The following RBFOX1 variants were observed in gnomAD, a reference collection of about 807,000 sequenced individuals.
RBFOX1 encodes RNA binding fox-1 homolog 1.
Under a neutral mutation model 57.7 loss-of-function variants are expected in RBFOX1, and 8 were observed. The ratio of observed to expected loss-of-function variants is 0.14; its 90% CI spans 0.08 to 0.25. The LOEUF is 0.25. Ranked by LOEUF, RBFOX1 falls within the 10% of genes least tolerant of loss-of-function variation. RBFOX1 has a pLI of 1.00. For synonymous variants in RBFOX1, 326 were observed against 222.4 expected (o/e 1.47, Z -4.15); for missense variants, 611 against 548.5 (o/e 1.11, Z -1.14).
At chr16:6,469,250 A>G (rs2095119874) in intron 2 of RBFOX1, among the ~76,000 whole-genome samples, 2 of 152,200 alleles carry the variant, frequency 1.3e-5, no homozygotes, top group African/African-American at 4.8e-5. Context: ...AATGCTGCCA[A>G]ACCTAATAAG....
At chr16:6,326,612 G>T (rs2082399593) in intron 2 of RBFOX1, among the ~76,000 whole-genome samples, 1 of 152,092 alleles carries the variant, frequency 6.6e-6, no homozygotes, top group Non-Finnish European at 1.5e-5. Flanking sequence ...GCTTCACAGG[G>T]ACAGACTCTC....
chr16:6,625,528 C>G (rs978864925), intron 2 of RBFOX1, among the ~76,000 whole-genome samples: 1 of 152,152 alleles, frequency 6.6e-6, no homozygotes, highest in East Asian at 1.9e-4. Flanking sequence ...TTCGTTAAAA[C>G]TTTAAGAAAG....
chr16:6,621,347 C>G (rs1478028177), intron 2 of RBFOX1, among the ~76,000 whole-genome samples: 1 of 152,122 alleles, frequency 6.6e-6, no homozygotes, highest in Non-Finnish European at 1.5e-5. Flanking sequence ...GCCTGTAGTC[C>G]CAGCTACTCG....
At chr16:5,976,168 T>C (rs1399585000) in intron 4 of RBFOX1, among the ~76,000 whole-genome samples, 1 of 151,716 alleles carries the variant, frequency 6.6e-6, no homozygotes. Flanking sequence ...AAATAAATAA[T>C]AAAATAAAAT....
At chr16:6,373,117 G>A (rs1161704937) in intron 2 of RBFOX1, among the ~76,000 whole-genome samples, 1 of 152,190 alleles carries the variant, frequency 6.6e-6, no homozygotes, top group African/African-American at 2.4e-5. Context: ...TGGAGATTGG[G>A]TGGAAGTATA....
intron 1 of RBFOX1, among the ~76,000 whole-genome samples, chr16:6,099,035 T>C (rs933867536): frequency 1.3e-5 from 2 of 152,210 alleles, no homozygotes; most frequent in Admixed American, 1.3e-4. Flanking sequence ...TGGTTCTTTA[T>C]TAGGCAGAGA....
chr16:7,121,658 C>G (rs1438509362), intron 4 of RBFOX1, among the ~76,000 whole-genome samples: 2 of 151,822 alleles, frequency 1.3e-5, no homozygotes, highest in African/African-American at 4.8e-5. Context: ...CAATACAAAT[C>G]AAAATTCTAG....
intron 1 of RBFOX1, among the ~76,000 whole-genome samples, chr16:6,190,804 CA>C (rs1328190297): frequency 6.6e-6 from 1 of 152,048 alleles, no homozygotes; most frequent in Admixed American, 6.6e-5. Context: ...ATCTTGCTGG[CA>C]AAGAATTCTA....
intron 3 of RBFOX1, among the ~76,000 whole-genome samples, chr16:6,832,451 C>T (rs1355487410): frequency 6.6e-6 from 1 of 152,102 alleles, no homozygotes; most frequent in Non-Finnish European, 1.5e-5. Flanking sequence ...AAAATGGTGC[C>T]AAAACCCAGC....
At chr16:5,427,940 G>A (rs1212422563) in intron 1 of RBFOX1, among the ~76,000 whole-genome samples, 2 of 152,224 alleles carry the variant, frequency 1.3e-5, no homozygotes, top group African/African-American at 4.8e-5. Context: ...ATCACAGGTA[G>A]AGTCAGCACC....
At chr16:5,647,729 T>G (rs930817745) in intron 3 of RBFOX1, among the ~76,000 whole-genome samples, 4 of 152,220 alleles carry the variant, frequency 2.6e-5, no homozygotes, top group Admixed American at 2.6e-4. Context: ...GGTTCAAGGC[T>G]GCATTCTTCC....
chr16:6,578,612 T>TGTGTGTGTGTGTGTGTGTGTGTGTGG lies in RBFOX1; in HGVS notation c.-63-75990_-63-75989insTGTGTGTGTGTGTGTGTGTGTGTGGG, dbSNP rs373655762. On this transcript the variant is annotated intron_variant, in intron 2 of 15. Transcript: ENST00000550418. ...TGGTGTGTGTGCGTGTGTGTGTGTGTGAGCATGGGAGAAACAGAGGGACAT... is the reference window on the plus strand; with the variant it reads ...TGGTGTGTGTGCGTGTGTGTGTGTGTGTGTGTGTGTGTGTGTGTGTGTGTGGGAGCATGGGAGAAACAGAGGGACAT... Among the ~76,000 whole-genome samples, 448 of 147,092 alleles carry TGTGTGTGTGTGTGTGTGTGTGTGTGG rather than the reference T, an allele frequency of 3.0e-3. 9 individuals are homozygous for TGTGTGTGTGTGTGTGTGTGTGTGTGG. The highest frequency in any genetic ancestry group is 7.0e-3 in the Middle Eastern group (2 of 286).
At chr16:5,527,627 T>G (rs889053469) in intron 2 of RBFOX1, among the ~76,000 whole-genome samples, 2 of 152,210 alleles carry the variant, frequency 1.3e-5, no homozygotes, top group Non-Finnish European at 2.9e-5. Context: ...TCTTCCTCCC[T>G]GTCTTCCCAT....
At chr16:6,849,926 A>T (rs1177481707) in intron 3 of RBFOX1, among the ~76,000 whole-genome samples, 2 of 152,184 alleles carry the variant, frequency 1.3e-5, no homozygotes, top group Admixed American at 1.3e-4. Flanking sequence ...GTTGACTAGG[A>T]AGATGACTTG....
intron 4 of RBFOX1, among the ~76,000 whole-genome samples, chr16:7,188,790 G>A (rs183557766): frequency 3.3e-5 from 5 of 152,280 alleles, no homozygotes; most frequent in East Asian, 1.9e-4. Flanking sequence ...CTGGTATAGG[G>A]CATGCTACGA....
intron 2 of RBFOX1, among the ~76,000 whole-genome samples, chr16:6,630,684 T>A (rs1241041231): frequency 6.6e-6 from 1 of 152,170 alleles, no homozygotes; most frequent in African/African-American, 2.4e-5. Flanking sequence ...AGCATTTCTG[T>A]TAAGTATCTC....
intron 3 of RBFOX1, among the ~76,000 whole-genome samples, chr16:6,901,389 A>G (rs2068450084): frequency 6.6e-6 from 1 of 152,180 alleles, no homozygotes; most frequent in Non-Finnish European, 1.5e-5. Flanking sequence ...CAAAGTGAAC[A>G]GGACGTTCCT....
At chr16:7,368,258 C>CTT (rs2097499897) in intron 4 of RBFOX1, among the ~76,000 whole-genome samples, 1 of 144,176 alleles carries the variant, frequency 6.9e-6, no homozygotes, top group Non-Finnish European at 1.5e-5. Context: ...CAGAGTGAGA[C>CTT]TGTCTCGAAA....
chr16:7,381,495 T>C (rs1489420615), intron 4 of RBFOX1, among the ~76,000 whole-genome samples: 2 of 143,828 alleles, frequency 1.4e-5, no homozygotes, highest in African/African-American at 2.7e-5. Flanking sequence ...TCATACATCG[T>C]TCCCCCCCGC....
Sources: gnomAD v4.1 joint callset for allele counts (sites outside exome capture counted in the v4.1 genomes callset) on GRCh38, gnomAD v4.1.1 for gene constraint, MANE v1.5 for transcripts, NCBI Gene and HGNC (gene_info 2026-07-23, HGNC 2026-07-21) for gene names.